IL6ST: variants seen among roughly 807,000 people sequenced by gnomAD.
IL6ST encodes interleukin 6 cytokine family signal transducer, also known as interleukin-6 receptor subunit beta.
IL6ST carries 24 observed loss-of-function variants against 91.3 expected under a neutral mutation model. The observed-to-expected ratio is 0.26, with a 90% confidence interval of 0.19 to 0.37. The LOEUF is 0.37. Ranked by LOEUF, IL6ST falls within the 10% of genes least tolerant of loss-of-function variation. IL6ST has a pLI of 1.00. For synonymous variants in IL6ST, 351 were observed against 373.6 expected (o/e 0.94, Z 0.70); for missense variants, 914 against 1,078.5 (o/e 0.85, Z 2.14).
intron 15 of IL6ST, among the ~76,000 whole-genome samples, chr5:55,944,426 A>T (rs1354829893): frequency 6.6e-6 from 1 of 152,254 alleles, no homozygotes; most frequent in East Asian, 1.9e-4. Context: ...AAGAATTAGA[A>T]AATATTTTTA....
chr5:55,944,475 G>A (rs1751118522), intron 15 of IL6ST, among the ~76,000 whole-genome samples: 1 of 152,026 alleles, frequency 6.6e-6, no homozygotes, highest in Non-Finnish European at 1.5e-5. Context: ...CTTTTGTCAT[G>A]AATTCAAAAA....
chr5:55,951,277 G>C (rs1308851550), intron 14 of IL6ST, among the ~76,000 whole-genome samples, 187 bp downstream of exon 14: 1 of 152,178 alleles, frequency 6.6e-6, no homozygotes, highest in East Asian at 1.9e-4. Flanking sequence ...GTCAGAAGCA[G>C]TTAATAAAAT....
At chr5:55,953,026 A>G (rs1471290083) in intron 11 of IL6ST, among the ~76,000 whole-genome samples, 1 of 151,854 alleles carries the variant, frequency 6.6e-6, no homozygotes, top group Non-Finnish European at 1.5e-5. Context: ...GCACCACTGC[A>G]CTCCAGCCTG....
chr5:55,954,568 C>T (rs962725753), intron 11 of IL6ST, among the ~76,000 whole-genome samples: 1 of 152,054 alleles, frequency 6.6e-6, no homozygotes, highest in Non-Finnish European at 1.5e-5. Flanking sequence ...AGGAGTTTTC[C>T]CTTGACGATA....
In IL6ST at chr5:55,963,407, A is replaced by G. The variant is rs375553493; in HGVS notation, c.758T>C (p.Ile253Thr). 9 of 1,603,524 alleles carry G rather than the reference A, an allele frequency of 5.6e-6. No homozygotes were observed. The highest frequency in any genetic ancestry group is 7.7e-6 in the Non-Finnish European group (9 of 1,171,552). The part of the protein sequence containing the change: ...TWTNPSIKSV[I>T]ILKYNIQYRT... Reference sequence around the variant, plus strand: ...ATATTGAATGTTATATTTTAGTATTATAACACTCTTAATACTTGGGTTGGT... The same window carrying G: ...ATATTGAATGTTATATTTTAGTATTGTAACACTCTTAATACTTGGGTTGGT... Residue 253 changes from isoleucine (I) to threonine (T), a missense_variant, in exon 7 of 17, where the codon ATA (isoleucine) becomes ACA (threonine). Coordinates refer to ENST00000381298, the MANE Select transcript of IL6ST (RefSeq NM_002184.4).
chr5:55,979,436 T>G (rs1753514768), intron 2 of IL6ST, among the ~76,000 whole-genome samples: 1 of 152,220 alleles, frequency 6.6e-6, no homozygotes, highest in Admixed American at 6.5e-5. Flanking sequence ...CACTGAGCTG[T>G]ACACTTATGA....
At chr5:55,951,725 T>A (rs1218417953) in intron 13 of IL6ST, 121 bp from the exon 14 acceptor site, 1 of 956,792 alleles carries the variant, frequency 1.0e-6, no homozygotes, top group Non-Finnish European at 1.6e-6. Context: ...AAACAACTTT[T>A]ATAATGTTCT....
At chr5:55,967,003 C>G (rs1049678891) in intron 5 of IL6ST, among the ~76,000 whole-genome samples, 1 of 151,124 alleles carries the variant, frequency 6.6e-6, no homozygotes, top group East Asian at 1.9e-4. Context: ...GATCTAAAAG[C>G]AATTTTTTGG....
At position 55,939,214 on chromosome 5, in the gene IL6ST, CTTG is replaced by C. The variant is rs1458671797; in HGVS notation, c.*1865_*1867del. ...ACTTAAAAGCTGGAGATGTCATTAT[CTTG>C]TTGTGTAAATTTGGGTCTATCCCTA... On this transcript the variant is annotated 3_prime_UTR_variant, in exon 17 of 17. Coordinates refer to ENST00000381298, the MANE Select transcript of IL6ST (RefSeq NM_002184.4). The C allele has an allele frequency of 9.3e-6, 2 of 214,796 alleles. No homozygotes were observed. Among genetic ancestry groups the C allele is most frequent in the African/African-American group, 4.5e-5 (2 of 44,304 alleles). 13.3% of individuals were successfully genotyped at this position (214,796 alleles called of 1,614,324 possible).
intron 1 of IL6ST, among the ~76,000 whole-genome samples, chr5:55,987,091 G>A (rs1250001252): frequency 1.3e-5 from 2 of 152,232 alleles, no homozygotes; most frequent in African/African-American, 4.8e-5. Context: ...CTTGAGCCTT[G>A]GAGGTCGAGG....
chr5:55,948,955 G>A (rs1224060806), intron 14 of IL6ST: 1 of 152,064 alleles, frequency 6.6e-6, no homozygotes, highest in African/African-American at 2.4e-5. Flanking sequence ...CTCAAGCCAT[G>A]TGAAGAAGCC....
intron 2 of IL6ST, among the ~76,000 whole-genome samples, chr5:55,979,937 G>A (rs1753545882): frequency 6.6e-6 from 1 of 152,064 alleles, no homozygotes; most frequent in African/African-American, 2.4e-5. Context: ...AATACTTGTA[G>A]CCATTTAAAA....
intron 14 of IL6ST, chr5:55,950,247 G>A (rs1231117137): frequency 2.1e-6 from 1 of 468,238 alleles, no homozygotes; most frequent in Non-Finnish European, 4.3e-6. Flanking sequence ...AAGAAAACAG[G>A]GTCAAGAGGC....
rs984192285 is a variant in IL6ST, at chr5:55,937,599, G to A, written c.*3483C>T. The A allele has an allele frequency of 5.0e-6, 1 of 200,456 alleles. No homozygotes were observed. Among genetic ancestry groups the A allele is most frequent in the Non-Finnish European group, 1.0e-5 (1 of 97,336 alleles). The allele number at this position is 200,456 out of a possible 1,614,324, so 12.4% of individuals were successfully genotyped here. A position where few individuals can be genotyped will look rare whatever the true frequency, so the allele number is the denominator to read the frequency against. Reference sequence around the variant, plus strand: ...AAATCAATGACAATGTCCAATTTTAGGCTAATCCTAAAACACTTGCCATTT... The same window carrying A: ...AAATCAATGACAATGTCCAATTTTAAGCTAATCCTAAAACACTTGCCATTT... On this transcript the variant is annotated 3_prime_UTR_variant, in exon 17 of 17. Coordinates refer to ENST00000381298, the MANE Select transcript of IL6ST (RefSeq NM_002184.4).
At chr5:55,960,136 G>A (rs1351781618) in intron 8 of IL6ST, among the ~76,000 whole-genome samples, 3 of 151,946 alleles carry the variant, frequency 2.0e-5, no homozygotes, top group East Asian at 1.9e-4. Context: ...CGCCCACCTC[G>A]GCCTCCCAAA....
chr5:55,970,563 C>T (rs1172630542), intron 3 of IL6ST, among the ~76,000 whole-genome samples: 1 of 152,090 alleles, frequency 6.6e-6, no homozygotes, highest in African/African-American at 2.4e-5. Flanking sequence ...TGGTGCACGC[C>T]TATAGTCCCA....
rs114216969 is a variant in IL6ST at position 55,994,753 on chromosome 5, C to T, written c.-104+31G>A. The T allele has an allele frequency of 4.3e-3, 656 of 152,752 alleles. 4 individuals are homozygous for T. Among genetic ancestry groups the T allele is most frequent in the African/African-American group, 0.015 (623 of 41,572 alleles). The allele number at this position is 152,752 out of a possible 1,614,324, so 9.5% of individuals were successfully genotyped here. On this transcript the variant is annotated intron_variant, in intron 1 of 16. Coordinates refer to ENST00000381298, the MANE Select transcript of IL6ST (RefSeq NM_002184.4). ...GAAACCACCGACACTCTAACTCCAG[C>T]TACGCGACCCAGCACCCGGCCCCTC... is the stretch of plus-strand genomic sequence containing the variant.
At chr5:55,960,845 G>A (rs1209800913) in intron 7 of IL6ST, among the ~76,000 whole-genome samples, 2 of 152,004 alleles carry the variant, frequency 1.3e-5, no homozygotes, top group African/African-American at 4.8e-5. Flanking sequence ...TGGCCGGGCT[G>A]GTCTGTAACT....
intron 11 of IL6ST, among the ~76,000 whole-genome samples, chr5:55,952,568 G>A (rs1412427332): frequency 6.6e-6 from 1 of 152,088 alleles, no homozygotes; most frequent in African/African-American, 2.4e-5. Flanking sequence ...AAAATACATT[G>A]TTAAGAACAA....
Sources: allele counts gnomAD v4.1 joint callset (sites outside exome capture counted in the v4.1 genomes callset), GRCh38; gene constraint gnomAD v4.1.1; transcripts MANE v1.5; gene names NCBI Gene and HGNC (gene_info 2026-07-23, HGNC 2026-07-21).